The following NACC2 variants were observed in gnomAD, a reference collection of about 807,000 sequenced individuals.
NACC2 encodes NACC family member 2.
NACC2 carries 8 observed loss-of-function variants against 25.1 expected under a neutral mutation model. The observed-to-expected ratio is 0.32, with a 90% confidence interval of 0.19 to 0.57. The LOEUF is 0.57. NACC2 is among the 20% of genes least tolerant of loss of function. The pLI is 0.89. For missense variants in NACC2, 644 were observed against 650.2 expected (o/e 0.99, Z 0.10); for synonymous variants, 435 against 294.7 (o/e 1.48, Z -4.88).
intron 1 of NACC2, among the ~76,000 whole-genome samples, chr9:136,080,639 G>A (rs1239089332): frequency 3.9e-5 from 6 of 151,904 alleles, no homozygotes; most frequent in South Asian, 2.1e-4. Context: ...CCCACAGACC[G>A]CACAGAATCA....
In NACC2 at chr9:136,011,672, G is replaced by A. The variant is rs1840109754; in HGVS notation, c.1608C>T (p.Gly536=). ...FDAGEEVDGA[G]SVIQEVAAPE... is the part of the protein sequence containing the mutation. ...GGGCGGCCACCTCCTGGATGACCGA[G>A]CCAGCCCCGTCCACCTCCTCGCCGG... The change falls in exon 6 of 6, where the codon GGC becomes GGT. Residue 536 remains glycine, a synonymous_variant. Coordinates refer to ENST00000277554, the MANE Select transcript of NACC2 (RefSeq NM_144653.5). The A allele has an allele frequency of 7.0e-7, 1 of 1,438,650 alleles. No homozygotes were observed. Among genetic ancestry groups the A allele is most frequent in the African/African-American group, 1.5e-5 (1 of 67,786 alleles). 89.1% of individuals were successfully genotyped at this position (1,438,650 alleles called of 1,614,324 possible).
chr9:136,038,970 C>T (rs1045392125), intron 2 of NACC2, among the ~76,000 whole-genome samples: 12 of 152,222 alleles, frequency 7.9e-5, no homozygotes, highest in African/African-American at 2.9e-4. Context: ...GGTAGACGTA[C>T]ACCTAAAGCC....
At chr9:136,033,814 G>A (rs1020088345) in intron 2 of NACC2, among the ~76,000 whole-genome samples, 2 of 151,586 alleles carry the variant, frequency 1.3e-5, no homozygotes, top group African/African-American at 4.9e-5. Context: ...CCCATGGATT[G>A]GAAGACCCAA....
At chr9:136,063,315 C>T (rs1030130083) in intron 1 of NACC2, among the ~76,000 whole-genome samples, 1 of 152,218 alleles carries the variant, frequency 6.6e-6, no homozygotes, top group African/African-American at 2.4e-5. Context: ...TGGGCTGATC[C>T]TGTGGAGATG....
chr9:136,065,576 C>T (rs940048638), intron 1 of NACC2, among the ~76,000 whole-genome samples: 2 of 152,140 alleles, frequency 1.3e-5, no homozygotes, highest in African/African-American at 2.4e-5. Context: ...GCCAAGATTG[C>T]GCCACTGCAC....
At chr9:136,035,363 C>A (rs1840536095) in intron 2 of NACC2, among the ~76,000 whole-genome samples, 1 of 151,834 alleles carries the variant, frequency 6.6e-6, no homozygotes. Flanking sequence ...CTGTGAATTG[C>A]AGCTGAAATG....
At chr9:136,029,311 A>G (rs1437583491) in intron 2 of NACC2, among the ~76,000 whole-genome samples, 2 of 152,148 alleles carry the variant, frequency 1.3e-5, no homozygotes, top group Admixed American at 1.3e-4. Flanking sequence ...AGAGCTGAGC[A>G]GATGTTGAGG....
intron 1 of NACC2, among the ~76,000 whole-genome samples, chr9:136,051,352 G>A (rs917415568): frequency 3.3e-5 from 5 of 152,188 alleles, no homozygotes; most frequent in Non-Finnish European, 7.4e-5. Flanking sequence ...CCCCACTCGC[G>A]GACGCCCCCC....
chr9:136,038,274 G>A (rs934836192), intron 2 of NACC2, among the ~76,000 whole-genome samples: 6 of 152,208 alleles, frequency 3.9e-5, no homozygotes, highest in Admixed American at 6.5e-5. Context: ...GGTGGCTCAT[G>A]CCTATAATCC....
chr9:136,016,171 G>T, intron 3 of NACC2, 94 bp downstream of exon 3: 2 of 1,354,290 alleles, frequency 1.5e-6, no homozygotes, highest in Non-Finnish European at 1.0e-6. Flanking sequence ...TTGACTGATT[G>T]GTGATGAGTA....
intron 2 of NACC2, among the ~76,000 whole-genome samples, chr9:136,016,930 G>A (rs1006731352): frequency 2.6e-5 from 4 of 152,130 alleles, no homozygotes; most frequent in East Asian, 1.9e-4. Flanking sequence ...GCTGGACAGG[G>A]GTGACAGGTA....
chr9:136,041,652 G>A (rs1337336991), intron 2 of NACC2, among the ~76,000 whole-genome samples: 1 of 152,130 alleles, frequency 6.6e-6, no homozygotes, highest in Non-Finnish European at 1.5e-5. Context: ...TTTGGGGGAT[G>A]ACAGAAATAT....
At chr9:136,074,469 A>ATTAGCCAGGCATGGTGGGACAC (rs1588580728) in intron 1 of NACC2, among the ~76,000 whole-genome samples, 1 of 107,092 alleles carries the variant, frequency 9.3e-6, no homozygotes, top group Non-Finnish European at 2.0e-5. Context: ...AAAAAGAAAA[A>ATTAGCCAGGCATGGTGGGACAC]AGAAGAAAAA....
chr9:136,094,209 C>G (rs918130023), intron 1 of NACC2, among the ~76,000 whole-genome samples: 2 of 152,240 alleles, frequency 1.3e-5, no homozygotes. Context: ...CCCACCAGCA[C>G]GTGGGTGAAA....
chr9:136,045,412 T>TCACGGGCCCACGGGCCCTGTGGCCAGA (rs1588569482), intron 2 of NACC2, among the ~76,000 whole-genome samples: 1 of 152,052 alleles, frequency 6.6e-6, no homozygotes, highest in African/African-American at 2.4e-5. Flanking sequence ...AGGGTTACCG[T>TCACGGGCCCACGGGCCCTGTGGCCAGA]GGAAGTGTGC....
chr9:136,072,594 G>A (rs1235502648), intron 1 of NACC2, among the ~76,000 whole-genome samples: 1 of 152,192 alleles, frequency 6.6e-6, no homozygotes, highest in Non-Finnish European at 1.5e-5. Flanking sequence ...GCTTATGCCT[G>A]TAATCCCAGC....
At chr9:136,044,924 C>T (rs1183613741) in intron 2 of NACC2, among the ~76,000 whole-genome samples, 7 of 152,292 alleles carry the variant, frequency 4.6e-5, no homozygotes, top group South Asian at 2.1e-4. Flanking sequence ...GGGGGATGGA[C>T]GGGGCCAGTG....
chr9:136,081,250 G>T lies in NACC2; in HGVS notation c.-60+13939C>A, dbSNP rs1415951599. The stretch of plus-strand genomic sequence containing the variant: ...TGGACTCAGTCCCGACGGGCACTGG[G>T]GGCTCCGCAGGACAGGGCAGGGGTC... On this transcript the variant is annotated intron_variant, in intron 1 of 5. Coordinates refer to ENST00000277554, the MANE Select transcript of NACC2 (RefSeq NM_144653.5). Among the ~76,000 whole-genome samples, 3 of 152,142 alleles carry T rather than the reference G, an allele frequency of 2.0e-5. No homozygotes were observed. The East Asian group carries it at 5.8e-4, about 29-fold the overall frequency.
chr9:136,094,847 A>G lies in NACC2; in HGVS notation c.-60+342T>C, dbSNP rs1414345201. On this transcript the variant is annotated intron_variant, in intron 1 of 5. Coordinates refer to ENST00000277554, the MANE Select transcript of NACC2 (RefSeq NM_144653.5). The stretch of plus-strand genomic sequence containing the variant: ...AGGCCGCGCGGGTCCCCAGAAATCC[A>G]GGGAAACCCAGCAGGCGGCGGGGAG... 4.0e-5 allele frequency among the ~76,000 whole-genome samples: 6 copies of G among 151,694 alleles called. No individual in the cohort carries two copies. The East Asian group carries it at 1.2e-3, about 30-fold the overall frequency.
Sources: gnomAD v4.1 joint callset for allele counts (sites outside exome capture counted in the v4.1 genomes callset) on GRCh38, gnomAD v4.1.1 for gene constraint, MANE v1.5 for transcripts, NCBI Gene and HGNC (gene_info 2026-07-23, HGNC 2026-07-21) for gene names.